The following KIAA1328 variants were observed in gnomAD, a reference collection of about 807,000 sequenced individuals.
KIAA1328 encodes KIAA1328, also known as protein hinderin.
KIAA1328 carries 52 observed loss-of-function variants against 68.1 expected under a neutral mutation model. That is an observed-to-expected ratio of 0.76 (90% confidence interval 0.61 to 0.96). KIAA1328 has a LOEUF of 0.96. KIAA1328 is among the 40% of genes least tolerant of loss of function. The probability of loss-of-function intolerance (pLI) is 0.00; values close to 1 mark genes in which losing one functional copy is unlikely to be tolerated. For synonymous variants in KIAA1328, 232 were observed against 239.4 expected (o/e 0.97, Z 0.28); for missense variants, 641 against 677.6 (o/e 0.95, Z 0.60).
At chr18:37,192,502 A>C (rs142128295) in intron 9 of KIAA1328, among the ~76,000 whole-genome samples, 4 of 152,180 alleles carry the variant, frequency 2.6e-5, no homozygotes, top group Non-Finnish European at 4.4e-5. Context: ...TTTTGACCTC[A>C]TAGAATTTAC....
At chr18:36,908,835 C>T (rs1265843285) in intron 5 of KIAA1328, among the ~76,000 whole-genome samples, 1 of 152,110 alleles carries the variant, frequency 6.6e-6, no homozygotes, top group African/African-American at 2.4e-5. Context: ...GTTAATTGAG[C>T]AGTTCTCCCC....
chr18:37,024,885 A>G (rs2054504614), intron 6 of KIAA1328, among the ~76,000 whole-genome samples: 2 of 152,146 alleles, frequency 1.3e-5, no homozygotes, highest in African/African-American at 4.8e-5. Flanking sequence ...TCCTTTGGGT[A>G]TATACTCAGT....
intron 9 of KIAA1328, among the ~76,000 whole-genome samples, chr18:37,200,473 C>T (rs1308982643): frequency 2.0e-5 from 3 of 152,180 alleles, no homozygotes; most frequent in East Asian, 1.9e-4. Context: ...CCAAGGGTCA[C>T]ATGACTTCTC....
chr18:36,901,571 A>G (rs545508999), intron 5 of KIAA1328, among the ~76,000 whole-genome samples: 8 of 152,182 alleles, frequency 5.3e-5, no homozygotes, highest in African/African-American at 1.9e-4. Context: ...ACATGAAGTC[A>G]CTGCCAGTTT....
chr18:36,976,420 A>G (rs2052473816), intron 6 of KIAA1328, among the ~76,000 whole-genome samples: 1 of 152,206 alleles, frequency 6.6e-6, no homozygotes, highest in Admixed American at 6.5e-5. Context: ...CAAACGTAAT[A>G]TAAATTTCAG....
intron 9 of KIAA1328, among the ~76,000 whole-genome samples, chr18:37,174,573 AT>A (rs1289510383): frequency 2.1e-5 from 3 of 139,582 alleles, no homozygotes; most frequent in African/African-American, 8.5e-5. Flanking sequence ...TTTTATTTTT[AT>A]TTTTATTTTT....
chr18:36,918,642 T>A (rs2049803997), intron 5 of KIAA1328, among the ~76,000 whole-genome samples: 1 of 152,156 alleles, frequency 6.6e-6, no homozygotes, highest in Non-Finnish European at 1.5e-5. Context: ...TTTGAACTCC[T>A]GACCTCAAGT....
At chr18:36,990,645 T>C (rs952435161) in intron 6 of KIAA1328, among the ~76,000 whole-genome samples, 10 of 151,976 alleles carry the variant, frequency 6.6e-5, no homozygotes, top group Non-Finnish European at 1.5e-4. Context: ...CACTCCAGCC[T>C]GGGCAACAGA....
rs192808978 is a variant in KIAA1328 at position 37,222,566 on chromosome 18, A to G, written c.*339A>G. Reference sequence around the variant, plus strand: ...GTTTCCTTCTCAAACTTCTGCTAGAAAATGCTGACTCACTTTTATATACAA... The same window carrying G: ...GTTTCCTTCTCAAACTTCTGCTAGAGAATGCTGACTCACTTTTATATACAA... On this transcript the variant is annotated 3_prime_UTR_variant, in exon 10 of 10. Coordinates refer to ENST00000280020, the MANE Select transcript of KIAA1328 (RefSeq NM_020776.3). 56 of 1,099,952 alleles carry G rather than the reference A, an allele frequency of 5.1e-5. No homozygotes were observed. The African/African-American group carries it at 6.0e-4, about 12-fold the overall frequency. The allele number at this position is 1,099,952 out of a possible 1,614,324, so 68.1% of individuals were successfully genotyped here. A position where few individuals can be genotyped will look rare whatever the true frequency, so the allele number is the denominator to read the frequency against.
chr18:37,130,351 G>T (rs1434135277), intron 7 of KIAA1328, among the ~76,000 whole-genome samples: 2 of 152,184 alleles, frequency 1.3e-5, no homozygotes, highest in Non-Finnish European at 2.9e-5. Context: ...CGGGCACGGT[G>T]GCTCACGCCT....
intron 7 of KIAA1328, among the ~76,000 whole-genome samples, chr18:37,080,543 G>A (rs529897974): frequency 1.8e-4 from 27 of 152,056 alleles, no homozygotes; most frequent in Non-Finnish European, 2.6e-4. Flanking sequence ...TTGGGAGGCC[G>A]AGGCGGGTGG....
At chr18:37,080,311 G>T (rs984738277) in intron 7 of KIAA1328, among the ~76,000 whole-genome samples, 1 of 152,150 alleles carries the variant, frequency 6.6e-6, no homozygotes, top group African/African-American at 2.4e-5. Flanking sequence ...GCAACCTTTG[G>T]GTTAGATGGG....
chr18:36,978,109 A>AG (rs2052543365), intron 6 of KIAA1328, among the ~76,000 whole-genome samples: 1 of 152,180 alleles, frequency 6.6e-6, no homozygotes, highest in Non-Finnish European at 1.5e-5. Context: ...AAAGGAATAA[A>AG]GGGAAAAGGT....
chr18:37,003,654 T>C (rs574089679), intron 6 of KIAA1328, among the ~76,000 whole-genome samples: 2 of 152,194 alleles, frequency 1.3e-5, no homozygotes, highest in Non-Finnish European at 2.9e-5. Context: ...GGTCATGAAG[T>C]CTTTGCCTAA....
Position 36,835,342 on chromosome 18 carries a change from C to T in KIAA1328, c.203C>T (p.Ser68Phe). ...ACTGATGCTTCAATCTCCATGGAGT[C>T]CTTAAAAGGCACAGGAGATTCAGTA... is the stretch of plus-strand genomic sequence containing the variant. ...RVTDASISME[S>F]LKGTGDSVDE... Residue 68 changes from serine (S) to phenylalanine (F), a missense_variant, in exon 3 of 10, where the codon TCC (serine) becomes TTC (phenylalanine). Ser to Phe is a radical substitution (Grantham distance 155). Coordinates refer to ENST00000280020, the MANE Select transcript of KIAA1328 (RefSeq NM_020776.3). 1 of 1,613,360 alleles carries T rather than the reference C, an allele frequency of 6.2e-7. No homozygotes were observed. The highest frequency in any genetic ancestry group is 8.5e-7 in the Non-Finnish European group (1 of 1,179,600).
At chr18:37,130,184 G>T (rs908901494) in intron 7 of KIAA1328, among the ~76,000 whole-genome samples, 1 of 152,104 alleles carries the variant, frequency 6.6e-6, no homozygotes, top group Non-Finnish European at 1.5e-5. Flanking sequence ...ACCACAGGAA[G>T]AACTCACAAG....
chr18:36,865,630 C>G (rs2047724122), intron 4 of KIAA1328, among the ~76,000 whole-genome samples: 1 of 152,134 alleles, frequency 6.6e-6, no homozygotes, highest in Non-Finnish European at 1.5e-5. Context: ...TTGCTACTCC[C>G]TCTGCTGCAC....
At chr18:37,170,622 T>C (rs2059481895) in intron 8 of KIAA1328, among the ~76,000 whole-genome samples, 1 of 152,122 alleles carries the variant, frequency 6.6e-6, no homozygotes, top group African/African-American at 2.4e-5. Flanking sequence ...GTTCCCCAAA[T>C]CCTATAGCCA....
At chr18:37,111,895 G>A (rs2057942141) in intron 7 of KIAA1328, among the ~76,000 whole-genome samples, 1 of 152,180 alleles carries the variant, frequency 6.6e-6, no homozygotes, top group African/African-American at 2.4e-5. Context: ...GGCTCAGAGG[G>A]TCCCATGCCC....
Sources: gnomAD v4.1 joint callset for allele counts (sites outside exome capture counted in the v4.1 genomes callset) on GRCh38, gnomAD v4.1.1 for gene constraint, MANE v1.5 for transcripts, NCBI Gene and HGNC (gene_info 2026-07-23, HGNC 2026-07-21) for gene names.